Variants in FRMD4B observed in about 807,000 individuals in gnomAD.
FRMD4B encodes the protein FERM domain-containing protein 4B.
A neutral mutation model predicts 141.5 loss-of-function variants in FRMD4B; 74 were observed. The observed-to-expected ratio is 0.52, with a 90% CI of 0.43 to 0.63. The LOEUF is 0.63. FRMD4B is among the 30% of genes least tolerant of loss of function. The pLI is 0.00. For synonymous variants in FRMD4B, 506 were observed against 467.9 expected, an observed-to-expected ratio of 1.08 and a Z score of -1.05; for missense variants, 1,366 against 1,253.4, an observed-to-expected ratio of 1.09 and a Z score of -1.36.
At chr3:69,193,546 C>G in intron 17 of FRMD4B, 102 bp downstream of exon 17, 1 of 660,562 alleles carries the variant, frequency 1.5e-6, no homozygotes, top group Non-Finnish European at 2.6e-6. Context: ...TCACCTGGTT[C>G]TTCCTTTGAT....
rs759776956 is a variant in FRMD4B, at chr3:69,189,903, A to C, written c.1764T>G (p.Tyr588Ter). 1 of 1,586,380 alleles carries C rather than the reference A, an allele frequency of 6.3e-7. No homozygotes were observed. ...AAAGGAAGAGCCACTTACGATCATC[A>C]TAGGTGGTGGTGTCAGACAAAGAGC... ...ESSSLSDTTT[Y>*]DDPSDAFTFP... The change falls in exon 18 of 23, where the codon TAT becomes TAG. Residue 588 changes from tyrosine (Y) to a stop codon, truncating the protein, a stop_gained. Transcript: ENST00000398540. LOFTEE classifies it high-confidence loss of function.
At chr3:69,535,223 A>G (rs1486894253) in intron 1 of FRMD4B, among the ~76,000 whole-genome samples, 1 of 152,226 alleles carries the variant, frequency 6.6e-6, no homozygotes, top group East Asian at 1.9e-4. Flanking sequence ...ATTCACAACA[A>G]TGACCTGTCC....
chr3:69,227,792 T>C (rs918309379), intron 7 of FRMD4B, among the ~76,000 whole-genome samples: 5 of 152,170 alleles, frequency 3.3e-5, no homozygotes, highest in African/African-American at 1.2e-4. Flanking sequence ...TATGACATTA[T>C]GCATTTGACA....
At chr3:69,326,128 T>C (rs1485638063) in intron 1 of FRMD4B, among the ~76,000 whole-genome samples, 1 of 151,016 alleles carries the variant, frequency 6.6e-6, no homozygotes, top group East Asian at 1.9e-4. Context: ...AATTTTTTTT[T>C]TTTTTTTTTG....
chr3:69,201,109 T>C (rs1370770269), intron 11 of FRMD4B, among the ~76,000 whole-genome samples: 1 of 152,178 alleles, frequency 6.6e-6, no homozygotes, highest in African/African-American at 2.4e-5. Context: ...TTGCACAAGG[T>C]TATGGGAACA....
chr3:69,532,467 A>T (rs1701020562), intron 1 of FRMD4B, among the ~76,000 whole-genome samples: 1 of 152,206 alleles, frequency 6.6e-6, no homozygotes, highest in Admixed American at 6.5e-5. Flanking sequence ...TGTTCATAGC[A>T]TAAATGTTTA....
intron 7 of FRMD4B, among the ~76,000 whole-genome samples, chr3:69,244,478 A>T (rs543755289): frequency 6.6e-6 from 1 of 152,158 alleles, no homozygotes; most frequent in African/African-American, 2.4e-5. Flanking sequence ...TTGTTTGTTT[A>T]TCATGTTTTT....
At chr3:69,195,900 G>A (rs769822732) in intron 14 of FRMD4B, among the ~76,000 whole-genome samples, 1 of 152,178 alleles carries the variant, frequency 6.6e-6, no homozygotes, top group Non-Finnish European at 1.5e-5. Context: ...GGGTATGCTT[G>A]TAATCATGTT....
chr3:69,434,044 T>A (rs931561551), intron 1 of FRMD4B, among the ~76,000 whole-genome samples: 1 of 152,216 alleles, frequency 6.6e-6, no homozygotes, highest in African/African-American at 2.4e-5. Context: ...TATCACGTCA[T>A]CTCTCCACAT....
intron 1 of FRMD4B, among the ~76,000 whole-genome samples, chr3:69,344,953 T>G (rs1425926120): frequency 6.6e-6 from 1 of 151,880 alleles, no homozygotes; most frequent in Non-Finnish European, 1.5e-5. Context: ...ACTGAGATAC[T>G]GGGTTCATCT....
intron 1 of FRMD4B, among the ~76,000 whole-genome samples, chr3:69,436,498 G>A (rs943621591): frequency 6.6e-5 from 10 of 152,200 alleles, no homozygotes; most frequent in African/African-American, 2.4e-4. Flanking sequence ...TGATGGGATT[G>A]TAAAATGGTG....
At chr3:69,258,128 C>T (rs1052561397) in intron 5 of FRMD4B, among the ~76,000 whole-genome samples, 15 of 152,006 alleles carry the variant, frequency 9.9e-5, no homozygotes, top group African/African-American at 3.6e-4. Flanking sequence ...CGTGCCTGGC[C>T]ATAATTATTG....
At chr3:69,525,591 T>TA (rs1390104205) in intron 1 of FRMD4B, among the ~76,000 whole-genome samples, 8 of 152,218 alleles carry the variant, frequency 5.3e-5, no homozygotes, top group Non-Finnish European at 1.2e-4. Context: ...TGCACACTTA[T>TA]AGTAGATTCT....
intron 1 of FRMD4B, among the ~76,000 whole-genome samples, chr3:69,514,822 C>T (rs1019807343): frequency 3.9e-5 from 6 of 152,106 alleles, no homozygotes; most frequent in African/African-American, 1.4e-4. Flanking sequence ...CAATCCCTGT[C>T]AAAATCCCAA....
At chr3:69,480,589 C>T (rs1258197808) in intron 1 of FRMD4B, among the ~76,000 whole-genome samples, 11 of 152,064 alleles carry the variant, frequency 7.2e-5, no homozygotes, top group South Asian at 4.1e-4. Context: ...GAGGAATACC[C>T]GGCCGTGTGA....
intron 5 of FRMD4B, among the ~76,000 whole-genome samples, chr3:69,280,126 A>C (rs1024407719): frequency 6.6e-6 from 1 of 152,066 alleles, no homozygotes; most frequent in Non-Finnish European, 1.5e-5. Flanking sequence ...GGCTTTTTCT[A>C]GCAGGAGCAG....
At chr3:69,514,685 CTTAAATAA>C (rs902227135) in intron 1 of FRMD4B, among the ~76,000 whole-genome samples, 1 of 101,962 alleles carries the variant, frequency 9.8e-6, no homozygotes, top group African/African-American at 3.4e-5. Context: ...AAGACTCCAT[CTTAAATAA>C]ATAAATAAAT....
intron 1 of FRMD4B, among the ~76,000 whole-genome samples, chr3:69,324,955 T>G (rs1702130513): frequency 1.3e-5 from 2 of 151,958 alleles, no homozygotes; most frequent in South Asian, 4.2e-4. Flanking sequence ...GGCGTGTACC[T>G]GTAGTCCTAT....
intron 9 of FRMD4B, among the ~76,000 whole-genome samples, chr3:69,219,026 G>T (rs1462218605): frequency 1.3e-5 from 2 of 152,054 alleles, no homozygotes; most frequent in East Asian, 3.9e-4. Flanking sequence ...TTAGCTGGGT[G>T]TGGTGGCGGA....
Sources: gnomAD v4.1 joint callset for allele counts (sites outside exome capture counted in the v4.1 genomes callset) on GRCh38, gnomAD v4.1.1 for gene constraint, MANE v1.5 for transcripts, NCBI Gene and HGNC (gene_info 2026-07-23, HGNC 2026-07-21) for gene names.